Variants in CADM2 observed in about 807,000 individuals in gnomAD.
CADM2 encodes cell adhesion molecule 2.
A neutral mutation model predicts 49.8 loss-of-function variants in CADM2; 12 were observed. That is an observed-to-expected ratio of 0.24 (90% CI 0.15 to 0.39). The LOEUF is 0.39. Ranked by LOEUF, CADM2 falls within the 10% of genes least tolerant of loss-of-function variation. CADM2 has a pLI of 1.00. For missense variants in CADM2, 378 were observed against 492.3 expected (o/e 0.77, Z 2.20); for synonymous variants, 214 against 175.4 (o/e 1.22, Z -1.74).
At chr3:85,490,909 A>C (rs1374456138) in intron 1 of CADM2, among the ~76,000 whole-genome samples, 1 of 152,122 alleles carries the variant, frequency 6.6e-6, no homozygotes. Context: ...AAAAAATAAG[A>C]AGAAGAAAAC....
At chr3:85,573,134 T>C (rs954308472) in intron 1 of CADM2, among the ~76,000 whole-genome samples, 2 of 152,024 alleles carry the variant, frequency 1.3e-5, no homozygotes, top group Non-Finnish European at 2.9e-5. Flanking sequence ...ACAATCTCAA[T>C]GTAATATATA....
chr3:85,540,882 C>G (rs1428889527), intron 1 of CADM2, among the ~76,000 whole-genome samples: 1 of 152,088 alleles, frequency 6.6e-6, no homozygotes, highest in African/African-American at 2.4e-5. Context: ...ACTGTGTCCT[C>G]ACATGGTTCA....
At chr3:85,510,112 T>C (rs1404425772) in intron 1 of CADM2, among the ~76,000 whole-genome samples, 2 of 151,838 alleles carry the variant, frequency 1.3e-5, no homozygotes, top group Non-Finnish European at 2.9e-5. Context: ...AATCACTCCA[T>C]GAAGGAAGAA....
At chr3:85,658,460 TG>T (rs2065276464) in intron 1 of CADM2, among the ~76,000 whole-genome samples, 1 of 151,490 alleles carries the variant, frequency 6.6e-6, no homozygotes, top group South Asian at 2.1e-4. Flanking sequence ...TACTTTGTTA[TG>T]GCAGCCCTAG....
intron 1 of CADM2, among the ~76,000 whole-genome samples, chr3:85,157,582 A>G (rs1391394727): frequency 7.2e-5 from 11 of 152,214 alleles, no homozygotes; most frequent in Admixed American, 7.2e-4. Flanking sequence ...AAAAACAAGC[A>G]TTGAGTAAAG....
At chr3:85,512,380 G>C (rs755826815) in intron 1 of CADM2, among the ~76,000 whole-genome samples, 1 of 152,042 alleles carries the variant, frequency 6.6e-6, no homozygotes, top group African/African-American at 2.4e-5. Flanking sequence ...GTATTCCGTG[G>C]TGTATGTGCA....
At chr3:85,590,031 A>G (rs955595720) in intron 1 of CADM2, among the ~76,000 whole-genome samples, 2 of 152,030 alleles carry the variant, frequency 1.3e-5, no homozygotes, top group Non-Finnish European at 2.9e-5. Flanking sequence ...ATGTACATTT[A>G]AAAACAGGTT....
chr3:85,089,821 G>A (rs2037525803), intron 1 of CADM2, among the ~76,000 whole-genome samples: 1 of 152,014 alleles, frequency 6.6e-6, no homozygotes, highest in South Asian at 2.1e-4. Context: ...TTTTCTATTT[G>A]TACTATGTTT....
At chr3:85,014,830 G>A (rs541775995) in intron 1 of CADM2, among the ~76,000 whole-genome samples, 42 of 152,068 alleles carry the variant, frequency 2.8e-4, no homozygotes, top group African/African-American at 8.7e-4. Context: ...TTATGCTTTC[G>A]GGCACGCAAA....
chr3:86,000,844 G>A (rs1730098582), intron 8 of CADM2, among the ~76,000 whole-genome samples: 1 of 152,138 alleles, frequency 6.6e-6, no homozygotes, highest in South Asian at 2.1e-4. Context: ...TATCCTAGGA[G>A]TGATTAAGGA....
At chr3:85,216,854 G>GAATATAAT (rs938391634) in intron 1 of CADM2, among the ~76,000 whole-genome samples, 11 of 151,980 alleles carry the variant, frequency 7.2e-5, no homozygotes, top group Non-Finnish European at 1.2e-4. Context: ...AATAGGATGA[G>GAATATAAT]AATATAATAA....
chr3:85,163,128 A>C (rs1451608465), intron 1 of CADM2, among the ~76,000 whole-genome samples: 2 of 152,110 alleles, frequency 1.3e-5, no homozygotes. Context: ...CAATTATAAC[A>C]GTATGAAATT....
chr3:85,510,595 T>C (rs758401687), intron 1 of CADM2, among the ~76,000 whole-genome samples: 4 of 152,034 alleles, frequency 2.6e-5, no homozygotes, highest in Non-Finnish European at 5.9e-5. Flanking sequence ...GTTTGAGCTT[T>C]ACGAAGTTAA....
At chr3:86,042,574 C>A (rs6768123) in intron 8 of CADM2, among the ~76,000 whole-genome samples, 7 of 151,910 alleles carry the variant, frequency 4.6e-5, no homozygotes, top group Admixed American at 1.3e-4. Flanking sequence ...CTCTGAAATT[C>A]AGGCAATAAT....
rs564257984 is a variant in CADM2 at position 85,345,113 on chromosome 3, C to T, written c.62-381409C>T. On this transcript the variant is annotated intron_variant, in intron 1 of 9. Transcript: ENST00000383699. The stretch of plus-strand genomic sequence containing the variant: ...AGTGGATCACCTGAGGTCAGGAGTT[C>T]GAGAGCAGCCTGGACAACCTGCAAA... Among the ~76,000 whole-genome samples the T allele has an allele frequency of 3.3e-5, 5 of 151,686 alleles. 1 individual carries two copies. The South Asian group carries it at 6.2e-4, about 19-fold the overall frequency.
chr3:85,425,614 A>G (rs1320505355), intron 1 of CADM2, among the ~76,000 whole-genome samples: 1 of 152,154 alleles, frequency 6.6e-6, no homozygotes, highest in Non-Finnish European at 1.5e-5. Context: ...CTATCTATCT[A>G]TAATTTTATA....
intron 3 of CADM2, among the ~76,000 whole-genome samples, chr3:85,809,006 C>G (rs999787849): frequency 4.6e-5 from 7 of 152,102 alleles, no homozygotes; most frequent in African/African-American, 1.7e-4. Context: ...ATTTGACAGG[C>G]TTTATTAAAG....
chr3:85,044,993 C>T (rs2035591232), intron 1 of CADM2, among the ~76,000 whole-genome samples: 1 of 151,978 alleles, frequency 6.6e-6, no homozygotes. Flanking sequence ...TTCTATATGA[C>T]CAGGTGTGCA....
chr3:85,407,207 C>T (rs529354565), intron 1 of CADM2, among the ~76,000 whole-genome samples: 1 of 151,918 alleles, frequency 6.6e-6, no homozygotes, highest in Non-Finnish European at 1.5e-5. Flanking sequence ...GACTCAAAAG[C>T]AAAATAAAAT....
Sources: gnomAD v4.1 joint callset for allele counts (sites outside exome capture counted in the v4.1 genomes callset) on GRCh38, gnomAD v4.1.1 for gene constraint, MANE v1.5 for transcripts, NCBI Gene and HGNC (gene_info 2026-07-23, HGNC 2026-07-21) for gene names.